Variants in GLB1 observed in about 807,000 individuals in gnomAD.
GLB1 encodes the protein beta-galactosidase.
GLB1 carries 56 observed loss-of-function variants against 74.0 expected under a neutral mutation model. The ratio of observed to expected loss-of-function variants is 0.76; its 90% confidence interval spans 0.61 to 0.94. The LOEUF is 0.94. GLB1 is among the 40% of genes least tolerant of loss of function. The pLI, the probability that GLB1 is intolerant of heterozygous loss-of-function variation, is 0.00. For synonymous variants in GLB1, 323 were observed against 323.6 expected (o/e 1.00, Z 0.02); for missense variants, 787 against 845.5 (o/e 0.93, Z 0.86).
Position 32,997,001 on chromosome 3 carries a change from G to A in GLB1, c.*44C>T, listed in dbSNP as rs199659949. ...GTGGCATGACAGGGAGGATCTGTGA[G>A]GTATGTTCAGGGTAGAATCCCTCAA... On this transcript the variant is annotated 3_prime_UTR_variant, in exon 16 of 16. Coordinates refer to ENST00000307363, the MANE Select transcript of GLB1 (RefSeq NM_000404.4). The A allele has an allele frequency of 5.8e-5, 93 of 1,613,868 alleles. 2 individuals carry two copies. In the East Asian group the frequency reaches 2.0e-3, roughly 35 times the overall value.
the GLB1 span, among the ~76,000 whole-genome samples, chr3:32,971,856 T>C: frequency 5.9e-5 from 9 of 152,154 alleles, no homozygotes; most frequent in African/African-American, 2.2e-4. Context: ...CTGGCCTATA[T>C]TGGATCTGTG....
At chr3:33,049,350 GGTTT>G (rs144100128) in intron 9 of GLB1, among the ~76,000 whole-genome samples, 43,845 of 151,842 alleles carry the variant, frequency 0.29, 8,227 homozygotes, top group Middle Eastern at 0.47. Context: ...AGGACGTGTA[GGTTT>G]GTTACATAGG....
intron 10 of GLB1, among the ~76,000 whole-genome samples, chr3:33,033,537 C>T (rs1698143261): frequency 6.6e-6 from 1 of 152,128 alleles, no homozygotes; most frequent in Admixed American, 6.5e-5. Context: ...AATCCCAACA[C>T]TTTGGGAGGC....
intron 15 of GLB1, among the ~76,000 whole-genome samples, chr3:33,002,753 T>C (rs1311542095): frequency 1.3e-5 from 2 of 152,180 alleles, no homozygotes; most frequent in African/African-American, 4.8e-5. Flanking sequence ...CAAAATTTTT[T>C]GGGAGCTCCT....
At chr3:33,013,570 C>T (rs1398477291) in intron 15 of GLB1, among the ~76,000 whole-genome samples, 1 of 151,904 alleles carries the variant, frequency 6.6e-6, no homozygotes, top group Non-Finnish European at 1.5e-5. Flanking sequence ...AACGACAAGG[C>T]GGAGTGACTG....
chr3:33,036,520 T>C (rs1698283622), intron 10 of GLB1, among the ~76,000 whole-genome samples: 1 of 152,180 alleles, frequency 6.6e-6, no homozygotes, highest in Admixed American at 6.5e-5. Context: ...CTTCTAGGTA[T>C]GTCCCTAGAG....
chr3:33,072,798 T>A, intron 1 of GLB1, 85 bp from the exon 2 acceptor site: 1 of 1,564,914 alleles, frequency 6.4e-7, no homozygotes. Flanking sequence ...AGTGACTCTC[T>A]GCCTATTGAA....
At chr3:33,001,168 TCTC>T (rs925079493) in intron 15 of GLB1, among the ~76,000 whole-genome samples, 22 of 151,732 alleles carry the variant, frequency 1.4e-4, no homozygotes, top group South Asian at 4.2e-4. Context: ...TCTCTTCTCC[TCTC>T]CTCTTCTCCT....
At chr3:33,060,584 A>C (rs4234267) in intron 5 of GLB1, among the ~76,000 whole-genome samples, 28,763 of 152,128 alleles carry the variant, frequency 0.19, 2,867 homozygotes, top group Admixed American at 0.26. Context: ...CCCCATGCCC[A>C]AACCCAACCT....
intron 2 of GLB1, among the ~76,000 whole-genome samples, chr3:33,069,576 C>A (rs1172680788): frequency 6.6e-6 from 1 of 152,140 alleles, no homozygotes; most frequent in African/African-American, 2.4e-5. Context: ...TTTGAAGTTA[C>A]AGATTAATTT....
rs555420624 is a variant in GLB1 at position 33,090,475 on chromosome 3, A to G, written c.75+6536T>C. 3.3e-4 allele frequency: 328 copies of G among 985,476 alleles called. No homozygotes were observed. The South Asian group carries it at 5.1e-3, about 15-fold the overall frequency. 61.0% of individuals were successfully genotyped at this position (985,476 alleles called of 1,614,324 possible). On this transcript the variant is annotated intron_variant, in intron 1 of 15. Coordinates refer to ENST00000307363, the MANE Select transcript of GLB1 (RefSeq NM_000404.4). The stretch of plus-strand genomic sequence containing the variant: ...TATTGAGATTTTGTGACAGCATCAT[A>G]TACTACAGACACTATTGCTGATTTT...
intron 15 of GLB1, 55 bp downstream of exon 15, chr3:33,014,001 A>C: frequency 1.2e-6 from 2 of 1,613,748 alleles, no homozygotes; most frequent in Non-Finnish European, 1.7e-6. Context: ...TTTCTCAGAC[A>C]CTAACAACCA....
chr3:33,068,104 C>T, intron 4 of GLB1, 126 bp downstream of exon 4: 1 of 1,389,020 alleles, frequency 7.2e-7, no homozygotes, highest in Non-Finnish European at 1.0e-6. Flanking sequence ...CCAGCCTGGT[C>T]TCGAACTCCC....
chr3:33,015,621 A>G (rs765441114), intron 14 of GLB1, among the ~76,000 whole-genome samples: 4 of 151,340 alleles, frequency 2.6e-5, no homozygotes, highest in Admixed American at 2.0e-4. Context: ...AGACCCAGAG[A>G]CTACACAACA....
chr3:33,071,638 A>G (rs1270016890), intron 2 of GLB1, among the ~76,000 whole-genome samples: 2 of 152,156 alleles, frequency 1.3e-5, no homozygotes, highest in Non-Finnish European at 2.9e-5. Context: ...ACTTTGAACT[A>G]AAGGAGATCG....
Position 33,093,334 on chromosome 3 carries a change from A to G in GLB1, c.75+3677T>C. 1 of 1,614,200 alleles carries G rather than the reference A, an allele frequency of 6.2e-7. No homozygotes were observed. ...TGCAGGGATTCCAGAAGTGCAAACC[A>G]GTTGCTGACATCTGACGTGTAGTAC... On this transcript the variant is annotated intron_variant, in intron 1 of 15. Transcript: ENST00000307363. The surrounding 1 kb of genome is among the most constrained non-coding windows in gnomAD (Gnocchi z 6.0).
intron 1 of GLB1, among the ~76,000 whole-genome samples, chr3:33,073,895 A>G (rs1699985065): frequency 1.3e-5 from 2 of 151,464 alleles, no homozygotes; most frequent in South Asian, 2.1e-4. Flanking sequence ...TTGGTGGCAC[A>G]CGCCTATGCT....
At chr3:33,042,607 T>A (rs1357157780) in intron 10 of GLB1, among the ~76,000 whole-genome samples, 1 of 152,084 alleles carries the variant, frequency 6.6e-6, no homozygotes, top group African/African-American at 2.4e-5. Flanking sequence ...GACCTCGTGA[T>A]CCGCCCGCCT....
chr3:33,078,151 G>A (rs1182421414), intron 1 of GLB1, among the ~76,000 whole-genome samples: 2 of 152,226 alleles, frequency 1.3e-5, no homozygotes, highest in South Asian at 2.1e-4. Context: ...GGCTGAGGCA[G>A]GAAGATTGCT....
Sources: gnomAD v4.1 joint callset for allele counts (sites outside exome capture counted in the v4.1 genomes callset) on GRCh38, gnomAD v4.1.1 for gene constraint, Gnocchi (gnomAD v3.1) non-coding constraint, MANE v1.5 for transcripts, NCBI Gene and HGNC (gene_info 2026-07-23, HGNC 2026-07-21) for gene names.